The following ZC3H4 variants were observed in gnomAD, a reference collection of about 807,000 sequenced individuals.
ZC3H4 encodes zinc finger CCCH-type containing 4, also known as zinc finger CCCH domain-containing protein 4.
Under a neutral mutation model 108.3 loss-of-function variants are expected in ZC3H4, and 13 were observed. The ratio of observed to expected loss-of-function variants is 0.12; its 90% confidence interval spans 0.08 to 0.19. The LOEUF (loss-of-function observed/expected upper bound fraction) is 0.19, where lower values mean the gene tolerates loss of function less well. Ranked by LOEUF, ZC3H4 falls within the 10% of genes least tolerant of loss-of-function variation. The pLI, the probability that ZC3H4 is intolerant of heterozygous loss-of-function variation, is 1.00. For missense variants in ZC3H4, 1,734 were observed against 1,838.8 expected (o/e 0.94, Z 1.04); for synonymous variants, 917 against 749.6 (o/e 1.22, Z -3.65).
At position 47,087,336 on chromosome 19, in the gene ZC3H4, A is replaced by G. The variant is rs548110246; in HGVS notation, c.716-798T>C. On this transcript the variant is annotated intron_variant, in intron 5 of 14. Coordinates refer to ENST00000253048, the MANE Select transcript of ZC3H4 (RefSeq NM_015168.2). ...AATGAGAAAGAATATAAAATATCTC[A>G]TTTGTCTAATTTGATTACACGTTGA... is the stretch of plus-strand genomic sequence containing the variant. Among the ~76,000 whole-genome samples the G allele has an allele frequency of 1.8e-4, 27 of 152,102 alleles. No homozygotes were observed. The South Asian group carries it at 2.1e-3, about 12-fold the overall frequency.
In ZC3H4 at chr19:47,106,438, G is replaced by A. The variant is rs191659968; in HGVS notation, c.161+5986C>T. Among the ~76,000 whole-genome samples the A allele has an allele frequency of 5.9e-5, 9 of 152,284 alleles. No individual in the cohort carries two copies. The East Asian group carries it at 1.7e-3, about 29-fold the overall frequency. On this transcript the variant is annotated intron_variant, in intron 2 of 14. Transcript: ENST00000253048. ...ACTGCATTCCAGCCTGGGCAACAGA[G>A]CAAAACCCTGTCTCAATAAAAGAGA...
At chr19:47,075,272 G>A (rs1431029607) in intron 11 of ZC3H4, among the ~76,000 whole-genome samples, 5 of 152,140 alleles carry the variant, frequency 3.3e-5, no homozygotes, top group Non-Finnish European at 7.4e-5. Flanking sequence ...GGCAGAACCC[G>A]CATTCTGCCC....
intron 2 of ZC3H4, among the ~76,000 whole-genome samples, chr19:47,108,968 T>C (rs2058001604): frequency 6.6e-6 from 1 of 152,226 alleles, no homozygotes; most frequent in Non-Finnish European, 1.5e-5. Context: ...ACAGACTTTT[T>C]TTCTACTAGG....
chr19:47,101,116 G>T (rs1310680210), intron 2 of ZC3H4, among the ~76,000 whole-genome samples: 1 of 151,866 alleles, frequency 6.6e-6, no homozygotes, highest in Admixed American at 6.6e-5. Context: ...CCAACAGGCG[G>T]ATCACTTGAG....
At chr19:47,103,418 G>A (rs117182233) in intron 2 of ZC3H4, among the ~76,000 whole-genome samples, 9 of 152,136 alleles carry the variant, frequency 5.9e-5, no homozygotes, top group Non-Finnish European at 1.0e-4. Context: ...ATCTTCCCAC[G>A]TCAGCCTCCC....
chr19:47,071,507 C>A (rs2057325416), intron 13 of ZC3H4, among the ~76,000 whole-genome samples: 1 of 152,206 alleles, frequency 6.6e-6, no homozygotes, highest in Non-Finnish European at 1.5e-5. Context: ...CCCTTGCACA[C>A]TCGTCCCTCT....
Position 47,067,929 on chromosome 19 carries a change from G to A in ZC3H4, c.2399-60C>T. 2.0e-6 allele frequency: 3 copies of A among 1,486,080 alleles called. No individual in the cohort carries two copies. Among genetic ancestry groups the A allele is most frequent in the East Asian group, 2.5e-5 (1 of 40,738 alleles). The allele number at this position is 1,486,080 out of a possible 1,614,324, so 92.1% of individuals were successfully genotyped here. ...GGGCGCATCCACCACCCGCCCTCTT[G>A]GATCCCACAGCAGCCCACCGTGAGC... is the stretch of plus-strand genomic sequence containing the variant. On this transcript the variant is annotated intron_variant, in intron 14 of 14. Transcript: ENST00000253048. This position sits in a 1 kb window ranked among gnomAD's most constrained non-coding sequence, Gnocchi z 6.4.
chr19:47,102,952 C>G (rs147631473), intron 2 of ZC3H4, among the ~76,000 whole-genome samples: 422 of 152,266 alleles, frequency 2.8e-3, no homozygotes, highest in Non-Finnish European at 4.4e-3. Context: ...TGTAAAGCTT[C>G]AAACAGGCTG....
In ZC3H4 at chr19:47,072,369, A is replaced by T; in HGVS notation, c.1785T>A (p.Ala595=). Reference sequence around the variant, plus strand: ...GCACTCACCTCACACCCAGCTTCTCAGCCAGCTGTCCCGTGGGCCGCACCA... The same window carrying T: ...GCACTCACCTCACACCCAGCTTCTCTGCCAGCTGTCCCGTGGGCCGCACCA... ...EIVVRPTGQL[A]EKLGVRFPGP... Residue 595 remains alanine, a synonymous_variant, in exon 12 of 15, where the codon GCT becomes GCA. Transcript: ENST00000253048. The surrounding 1 kb of genome is among the most constrained non-coding windows in gnomAD (Gnocchi z 5.6). 2 of 1,613,150 alleles carry T rather than the reference A, an allele frequency of 1.2e-6. No homozygotes were observed. Among genetic ancestry groups the T allele is most frequent in the Non-Finnish European group, 1.7e-6 (2 of 1,179,742 alleles).
intron 5 of ZC3H4, among the ~76,000 whole-genome samples, chr19:47,089,667 G>A (rs1195755218): frequency 6.6e-6 from 1 of 151,930 alleles, no homozygotes; most frequent in Non-Finnish European, 1.5e-5. Flanking sequence ...CCAGCTGTCA[G>A]TGACCATGGC....
intron 2 of ZC3H4, among the ~76,000 whole-genome samples, chr19:47,103,065 T>C (rs1454676568): frequency 1.3e-5 from 2 of 152,242 alleles, no homozygotes; most frequent in Non-Finnish European, 2.9e-5. Flanking sequence ...CTCTGAAAAT[T>C]TGCATTCTTG....
intron 2 of ZC3H4, chr19:47,110,918 G>C: frequency 1.0e-6 from 1 of 985,398 alleles, no homozygotes; most frequent in Non-Finnish European, 1.2e-6. Flanking sequence ...TTGTGTCTCT[G>C]AATGTGGGTG....
Position 47,066,235 on chromosome 19 carries a change from A to C in ZC3H4, c.*121T>G, listed in dbSNP as rs1198124033. 5.4e-6 allele frequency: 4 copies of C among 738,010 alleles called. No homozygotes were observed. The highest frequency in any genetic ancestry group is 8.1e-6 in the Non-Finnish European group (4 of 491,982). The allele number at this position is 738,010 out of a possible 1,614,324, so 45.7% of individuals were successfully genotyped here. ...AAATAAAAGAGACGGAAAGCAAAAG[A>C]AAAAGAAAAGAAAAAAGGAACACCC... On this transcript the variant is annotated 3_prime_UTR_variant, in exon 15 of 15. Coordinates refer to ENST00000253048, the MANE Select transcript of ZC3H4 (RefSeq NM_015168.2).
intron 4 of ZC3H4, among the ~76,000 whole-genome samples, chr19:47,090,469 G>A (rs116447700): frequency 2.6e-3 from 390 of 152,302 alleles, no homozygotes; most frequent in African/African-American, 8.7e-3. Context: ...GGGAGAAGAA[G>A]GGAGCATTTC....
intron 11 of ZC3H4, 140 bp downstream of exon 11, chr19:47,081,373 G>A (rs988929563): frequency 1.5e-6 from 1 of 675,466 alleles, no homozygotes; most frequent in African/African-American, 1.8e-5. Context: ...CAGTGCCCGT[G>A]TCCTCCTTAG....
At chr19:47,090,498 C>A (rs762374686) in intron 4 of ZC3H4, among the ~76,000 whole-genome samples, 2 of 152,150 alleles carry the variant, frequency 1.3e-5, no homozygotes, top group Non-Finnish European at 2.9e-5. Flanking sequence ...GCAGAGCAAG[C>A]GCACGTGGAG....
intron 4 of ZC3H4, among the ~76,000 whole-genome samples, chr19:47,091,525 G>A (rs2057730901): frequency 6.6e-6 from 1 of 151,988 alleles, no homozygotes; most frequent in Non-Finnish European, 1.5e-5. Context: ...GGTGAGGCAA[G>A]ATTGCGCCAC....
In ZC3H4 at chr19:47,067,416, TC is replaced by T; in HGVS notation, c.2851del (p.Asp951ThrfsTer16). On this transcript the variant is annotated frameshift_variant, in exon 15 of 15. Transcript: ENST00000253048. LOFTEE classifies it high-confidence loss of function. This position sits in a 1 kb window ranked among gnomAD's most constrained non-coding sequence, Gnocchi z 6.4. Reference sequence around the variant, plus strand: ...GAACTGCTGCAGCTGTGACCGTGGGTCCCGCAGAGGGTGCCCGGGGAGTGGG... The same window carrying T: ...GAACTGCTGCAGCTGTGACCGTGGGTCCGCAGAGGGTGCCCGGGGAGTGGG... ...LDPLPGHPLR[D>X]PRSQLQQFSH... 6.2e-7 allele frequency: 1 copy of T among 1,607,362 alleles called. No homozygotes were observed.
chr19:47,072,298 T>C lies in ZC3H4; in HGVS notation c.1802+54A>G. 1.3e-6 allele frequency: 2 copies of C among 1,563,070 alleles called. No individual in the cohort carries two copies. Among genetic ancestry groups the C allele is most frequent in the East Asian group, 2.3e-5 (1 of 43,308 alleles). ...CAGGCTTGCCCTAACAAGAGGAGCC[T>C]GGCTGGGCCCAGGACAGCGCCCACT... On this transcript the variant is annotated intron_variant, in intron 12 of 14. Transcript: ENST00000253048. This position sits in a 1 kb window ranked among gnomAD's most constrained non-coding sequence, Gnocchi z 5.6.
Sources: allele counts gnomAD v4.1 joint callset (sites outside exome capture counted in the v4.1 genomes callset), GRCh38; gene constraint gnomAD v4.1.1; non-coding constraint Gnocchi (gnomAD v3.1); transcripts MANE v1.5; gene names NCBI Gene and HGNC (gene_info 2026-07-23, HGNC 2026-07-21).